Variants in CTIF observed in about 807,000 individuals in gnomAD.
CTIF encodes cap binding complex dependent translation initiation factor.
Under a neutral mutation model 66.0 loss-of-function variants are expected in CTIF, and 21 were observed. The ratio of observed to expected loss-of-function variants is 0.32; its 90% CI spans 0.23 to 0.46. The LOEUF (loss-of-function observed/expected upper bound fraction) is 0.46, where lower values mean the gene tolerates loss of function less well. Among genes scored for constraint, CTIF ranks in the 20% least tolerant of loss-of-function variants. The pLI is 1.00. For synonymous variants in CTIF, 345 were observed against 326.4 expected (o/e 1.06, Z -0.62); for missense variants, 739 against 812.7 (o/e 0.91, Z 1.10).
At chr18:48,540,901 A>G (rs914550315) in intron 1 of CTIF, among the ~76,000 whole-genome samples, 2 of 151,948 alleles carry the variant, frequency 1.3e-5, no homozygotes, top group Non-Finnish European at 2.9e-5. Flanking sequence ...GGGCCGGGGA[A>G]GACCGTAGGG....
At chr18:48,582,568 G>C (rs575695397) in intron 1 of CTIF, among the ~76,000 whole-genome samples, 1 of 152,188 alleles carries the variant, frequency 6.6e-6, no homozygotes, top group South Asian at 2.1e-4. Context: ...GCACTGCACT[G>C]ACCTTCCCCC....
intron 7 of CTIF, among the ~76,000 whole-genome samples, chr18:48,738,001 T>TGCA (rs2092518973): frequency 6.6e-6 from 1 of 152,236 alleles, no homozygotes; most frequent in African/African-American, 2.4e-5. Context: ...GGGTGTCTAA[T>TGCA]ACACTTCTCA....
intron 9 of CTIF, among the ~76,000 whole-genome samples, chr18:48,785,706 C>T (rs1167358384): frequency 6.6e-6 from 1 of 152,190 alleles, no homozygotes; most frequent in Non-Finnish European, 1.5e-5. Context: ...TAGCTCTGAC[C>T]TCCGTGCCTT....
Position 48,593,372 on chromosome 18 carries a change from A to G in CTIF, c.-28-26166A>G, listed in dbSNP as rs943249317. ...TTGATATTAATAATATGTAACTAGA[A>G]ATCTTTTTTTTTTCTTTTTTTTTTT... On this transcript the variant is annotated intron_variant, in intron 1 of 11. Transcript: ENST00000256413. Among the ~76,000 whole-genome samples, 8 of 151,744 alleles carry G rather than the reference A, an allele frequency of 5.3e-5. No individual in the cohort carries two copies. The East Asian group carries it at 1.5e-3, about 29-fold the overall frequency.
At chr18:48,657,862 A>G (rs777799338) in intron 3 of CTIF, among the ~76,000 whole-genome samples, 1 of 152,176 alleles carries the variant, frequency 6.6e-6, no homozygotes, top group Non-Finnish European at 1.5e-5. Context: ...GGCAAGTCCA[A>G]CGCTTGCCTG....
intron 10 of CTIF, among the ~76,000 whole-genome samples, chr18:48,824,488 C>T (rs1599114006): frequency 6.6e-6 from 1 of 152,212 alleles, no homozygotes; most frequent in South Asian, 2.1e-4. Flanking sequence ...CCTCCTCCGC[C>T]TCTCCGTGCC....
chr18:48,620,122 A>G (rs1324535142), intron 2 of CTIF, among the ~76,000 whole-genome samples: 1 of 152,256 alleles, frequency 6.6e-6, no homozygotes, highest in Non-Finnish European at 1.5e-5. Flanking sequence ...CATACCATCA[A>G]AGAACTATAA....
intron 10 of CTIF, among the ~76,000 whole-genome samples, chr18:48,851,476 C>G (rs1222515651): frequency 2.0e-5 from 3 of 152,182 alleles, no homozygotes; most frequent in Non-Finnish European, 4.4e-5. Flanking sequence ...CTCCCTCTCT[C>G]CTCGGAGGGA....
intron 10 of CTIF, among the ~76,000 whole-genome samples, chr18:48,828,394 A>G (rs535376303): frequency 8.5e-5 from 13 of 152,224 alleles, no homozygotes; most frequent in Non-Finnish European, 1.8e-4. Flanking sequence ...TATGAAGGGT[A>G]TATAGCAGGG....
chr18:48,550,323 A>G (rs577471184), intron 1 of CTIF, among the ~76,000 whole-genome samples: 1 of 152,336 alleles, frequency 6.6e-6, no homozygotes, highest in East Asian at 1.9e-4. Flanking sequence ...TTGGTAGAGG[A>G]TGGCAGTCAC....
chr18:48,591,848 A>G (rs1181225698), intron 1 of CTIF, among the ~76,000 whole-genome samples: 3 of 152,218 alleles, frequency 2.0e-5, no homozygotes, highest in African/African-American at 7.2e-5. Flanking sequence ...CCTGGGCTCA[A>G]GCAATCCTCC....
rs116483243 is a variant in CTIF, at chr18:48,723,612, G to A, written c.584+11917G>A. Reference sequence around the variant, plus strand: ...AGCTCAGGGGGTGGGGAGGCAGCCCGGCCAGAGGAGAGCTTCCTCCAGCTG... The same window carrying A: ...AGCTCAGGGGGTGGGGAGGCAGCCCAGCCAGAGGAGAGCTTCCTCCAGCTG... On this transcript the variant is annotated intron_variant, in intron 7 of 11. Coordinates refer to ENST00000256413, the MANE Select transcript of CTIF (RefSeq NM_014772.3). Among the ~76,000 whole-genome samples, 494 of 152,302 alleles carry A rather than the reference G, an allele frequency of 3.2e-3. 2 individuals are homozygous for A. The highest frequency in any genetic ancestry group is 0.011 in the African/African-American group (460 of 41,546).
chr18:48,694,353 G>C (rs1265664858), intron 6 of CTIF, among the ~76,000 whole-genome samples: 1 of 152,226 alleles, frequency 6.6e-6, no homozygotes, highest in South Asian at 2.1e-4. Flanking sequence ...AGCAGGGAGG[G>C]GATGAGAGCT....
At chr18:48,701,985 T>C (rs541818996) in intron 6 of CTIF, among the ~76,000 whole-genome samples, 11 of 152,326 alleles carry the variant, frequency 7.2e-5, no homozygotes, top group African/African-American at 2.6e-4. Context: ...AAGAATTTGT[T>C]GGCTCATGAA....
At chr18:48,611,984 G>C (rs2090315840) in intron 1 of CTIF, among the ~76,000 whole-genome samples, 1 of 152,200 alleles carries the variant, frequency 6.6e-6, no homozygotes, top group Non-Finnish European at 1.5e-5. Flanking sequence ...GAGGACGTCA[G>C]ATGTCCTTGA....
intron 1 of CTIF, among the ~76,000 whole-genome samples, chr18:48,571,106 G>T (rs888903561): frequency 2.6e-5 from 4 of 152,154 alleles, no homozygotes; most frequent in African/African-American, 9.7e-5. Flanking sequence ...TTTTCACCCT[G>T]TCCCCACCTA....
rs116404867 is a variant in CTIF at position 48,585,042 on chromosome 18, C to T, written c.-28-34496C>T. 3.3e-3 allele frequency among the ~76,000 whole-genome samples: 497 copies of T among 152,316 alleles called. 1 individual carries two copies. Among genetic ancestry groups the T allele is most frequent in the African/African-American group, 0.011 (478 of 41,570 alleles). The stretch of plus-strand genomic sequence containing the variant: ...GGACAGAGATCACTTCTGTTTGTTC[C>T]ATGCGTGTGTCTTTGGGTTTTCTGT... On this transcript the variant is annotated intron_variant, in intron 1 of 11. Coordinates refer to ENST00000256413, the MANE Select transcript of CTIF (RefSeq NM_014772.3).
intron 1 of CTIF, among the ~76,000 whole-genome samples, chr18:48,550,528 C>A (rs1435960570): frequency 2.0e-5 from 3 of 152,218 alleles, no homozygotes; most frequent in Non-Finnish European, 2.9e-5. Flanking sequence ...ATGCAAACAG[C>A]CCAGGCCGTG....
chr18:48,711,741 C>T, intron 7 of CTIF, 46 bp downstream of exon 7: 1 of 1,525,980 alleles, frequency 6.6e-7, no homozygotes, highest in Non-Finnish European at 9.1e-7. Context: ...TTTCCTGCTT[C>T]TGCCATCTGT....
Sources: allele counts gnomAD v4.1 joint callset (sites outside exome capture counted in the v4.1 genomes callset), GRCh38; gene constraint gnomAD v4.1.1; transcripts MANE v1.5; gene names NCBI Gene and HGNC (gene_info 2026-07-23, HGNC 2026-07-21).